MAP7: variants seen among roughly 807,000 people sequenced by gnomAD.
The protein encoded by MAP7 is ensconsin.
In MAP7, 52 loss-of-function variants were observed where a neutral mutation model predicts 94.8. That is an observed-to-expected ratio of 0.55 (90% CI 0.44 to 0.69). The LOEUF is 0.69. MAP7 is among the 30% of genes least tolerant of loss of function. The pLI is 0.00. For synonymous variants in MAP7, 350 were observed against 357.0 expected, an observed-to-expected ratio of 0.98 and a Z score of 0.22; for missense variants, 940 against 964.6, an observed-to-expected ratio of 0.97 and a Z score of 0.34.
At chr6:136,496,218 G>A (rs760064714) in intron 1 of MAP7, among the ~76,000 whole-genome samples, 5 of 152,176 alleles carry the variant, frequency 3.3e-5, no homozygotes, top group Non-Finnish European at 7.4e-5. Context: ...ATATCCACTG[G>A]GGGACATTGT....
At chr6:136,509,419 T>TTC (rs1822559944) in intron 1 of MAP7, among the ~76,000 whole-genome samples, 1 of 152,010 alleles carries the variant, frequency 6.6e-6, no homozygotes, top group Non-Finnish European at 1.5e-5. Flanking sequence ...GCTACTTATT[T>TTC]TTTTAAGTTT....
At chr6:136,483,010 CTT>C (rs1813399140) in intron 1 of MAP7, among the ~76,000 whole-genome samples, 1 of 149,030 alleles carries the variant, frequency 6.7e-6, no homozygotes, top group Admixed American at 6.8e-5. Flanking sequence ...TGATTGAATT[CTT>C]TGTCTGCTTG....
chr6:136,405,190 T>A (rs1438340568), intron 3 of MAP7, among the ~76,000 whole-genome samples: 2 of 152,210 alleles, frequency 1.3e-5, no homozygotes, highest in Non-Finnish European at 2.9e-5. Context: ...CTGTTCTAGA[T>A]ACTAAGCTAC....
intron 1 of MAP7, chr6:136,526,110 T>C: frequency 7.4e-7 from 1 of 1,354,298 alleles, no homozygotes; most frequent in Admixed American, 3.4e-5. Context: ...GTAAACAGTT[T>C]GCAAACAGCT....
Position 136,359,843 on chromosome 6 carries a change from T to A in MAP7, c.1889A>T (p.Lys630Met). The A allele has an allele frequency of 6.2e-7, 1 of 1,613,396 alleles. No homozygotes were observed. Among genetic ancestry groups the A allele is most frequent in the Non-Finnish European group, 8.5e-7 (1 of 1,179,948 alleles). Residue 630 changes from lysine to methionine, a missense_variant, in exon 15 of 18, where the codon AAG becomes ATG. By Grantham distance (95) the Lys-to-Met change is moderately conservative. Coordinates refer to ENST00000354570, the MANE Select transcript of MAP7 (RefSeq NM_003980.6). ...ACCTGTTCCTCCAGTGAGAGCTCCCTTGGCTATATCACCGTTTCTCTGATC... is the reference window on the plus strand; with the variant it reads ...ACCTGTTCCTCCAGTGAGAGCTCCCATGGCTATATCACCGTTTCTCTGATC... ...TSDQRNGDIA[K>M]GALTGGTEVS...
Position 136,377,835 on chromosome 6 carries a change from C to T in MAP7, c.671G>A (p.Ser224Asn), listed in dbSNP as rs2128623045. 1 of 1,614,064 alleles carries T rather than the reference C, an allele frequency of 6.2e-7. No individual in the cohort carries two copies. The highest frequency in any genetic ancestry group is 1.3e-5 in the African/African-American group (1 of 75,046). The change falls in exon 7 of 18, where the codon AGC becomes AAC. Residue 224 changes from serine to asparagine, a missense_variant. Coordinates refer to ENST00000354570, the MANE Select transcript of MAP7 (RefSeq NM_003980.6). ...RRLQLSPWES[S>N]VVNRLLTPTH... is the part of the protein sequence containing the mutation. ...GGGCGTCAGGAGTCTGTTAACAACG[C>T]TGCTCTCCCATGGGCTGAGCTGCAG...
intron 1 of MAP7, among the ~76,000 whole-genome samples, chr6:136,491,514 C>A (rs1475495943): frequency 6.6e-6 from 1 of 152,220 alleles, no homozygotes; most frequent in African/African-American, 2.4e-5. Context: ...AGGCGGTGGG[C>A]AGCCATTACT....
At chr6:136,360,857 A>T in intron 12 of MAP7, 59 bp from the exon 13 acceptor site, 3 of 1,590,482 alleles carry the variant, frequency 1.9e-6, no homozygotes, top group Non-Finnish European at 2.6e-6. Flanking sequence ...CGGGTCTCCC[A>T]GGGGGTGCCC....
chr6:136,468,412 A>G (rs113080533), intron 1 of MAP7, among the ~76,000 whole-genome samples: 2,304 of 152,260 alleles, frequency 0.015, 61 homozygotes, highest in African/African-American at 0.052. Flanking sequence ...GAACTGCTGA[A>G]GATGTTAAGT....
At chr6:136,348,755 G>A (rs1367880879) in intron 16 of MAP7, among the ~76,000 whole-genome samples, 2 of 152,136 alleles carry the variant, frequency 1.3e-5, no homozygotes, top group African/African-American at 4.8e-5. Flanking sequence ...GCCTGGGAAT[G>A]TTACTTTTCC....
At chr6:136,395,458 T>C (rs1309029418) in intron 3 of MAP7, among the ~76,000 whole-genome samples, 1 of 151,296 alleles carries the variant, frequency 6.6e-6, no homozygotes, top group Non-Finnish European at 1.5e-5. Context: ...CATATTCTGG[T>C]TGTTAATGCT....
rs764303837 is a variant in MAP7, at chr6:136,362,554, G to T, written c.1422C>A (p.Thr474=). ...GAAGCCTTGTGGCCTCCTCTGGGTC[G>T]GTGGTGCCTGCAGAAGTCTTAACAG... is the stretch of plus-strand genomic sequence containing the variant. ...SASVKTSAGT[T]DPEEATRLLA... is the part of the protein sequence containing the mutation. Residue 474 remains threonine, a synonymous_variant, in exon 11 of 18, where the codon ACC becomes ACA. Transcript: ENST00000354570. 1.9e-6 allele frequency: 3 copies of T among 1,614,174 alleles called. No homozygotes were observed. The highest frequency in any genetic ancestry group is 8.5e-7 in the Non-Finnish European group (1 of 1,180,048).
chr6:136,546,862 C>A (rs1394605403), intron 1 of MAP7, among the ~76,000 whole-genome samples: 1 of 152,104 alleles, frequency 6.6e-6, no homozygotes, highest in Non-Finnish European at 1.5e-5. Flanking sequence ...AGAGAAAATG[C>A]CAGTGTAAAT....
In MAP7 at chr6:136,413,816, T is replaced by C. The variant is rs867073236; in HGVS notation, c.167-2119A>G. Among the ~76,000 whole-genome samples the C allele has an allele frequency of 3.9e-5, 6 of 152,212 alleles. No homozygotes were observed. The South Asian group carries it at 1.2e-3, about 32-fold the overall frequency. On this transcript the variant is annotated intron_variant, in intron 2 of 17. Coordinates refer to ENST00000354570, the MANE Select transcript of MAP7 (RefSeq NM_003980.6). ...TTGTAGAGACAGGATTTTGCTATGT[T>C]GCCCAGGCTGCCATATGTCTCTTGA...
intron 1 of MAP7, among the ~76,000 whole-genome samples, chr6:136,469,115 G>C (rs906390984): frequency 6.6e-6 from 1 of 152,080 alleles, no homozygotes; most frequent in African/African-American, 2.4e-5. Flanking sequence ...CTCTGTCCCA[G>C]TGCATGGAGC....
rs760023284 is a variant in MAP7 at position 136,550,380 on chromosome 6, C to T, written c.29G>A (p.Gly10Asp). The T allele has an allele frequency of 1.3e-6, 2 of 1,529,610 alleles. No homozygotes were observed. Among genetic ancestry groups the T allele is most frequent in the African/African-American group, 1.4e-5 (1 of 70,114 alleles). The allele number at this position is 1,529,610 out of a possible 1,614,324, so 94.8% of individuals were successfully genotyped here. Reference sequence around the variant, plus strand: ...CACTGCGCCGTCGCCGCCCCTGTGGCCGTCGCCGCCAGCTCCTAGCTCCGC... The same window carrying T: ...CACTGCGCCGTCGCCGCCCCTGTGGTCGTCGCCGCCAGCTCCTAGCTCCGC... MAELGAGGD[G>D]HRGGDGAVRS... The change falls in exon 1 of 18, where the codon GGC becomes GAC. Residue 10 changes from glycine to aspartate, a missense_variant. Transcript: ENST00000354570. This position sits in a 1 kb window ranked among gnomAD's most constrained non-coding sequence, Gnocchi z 5.1.
chr6:136,493,584 A>G (rs1032134803), intron 1 of MAP7, among the ~76,000 whole-genome samples: 1 of 152,034 alleles, frequency 6.6e-6, no homozygotes, highest in African/African-American at 2.4e-5. Context: ...CCTGGCTTCT[A>G]TTTTCAACTT....
At chr6:136,377,013 A>G (rs1345640315) in intron 7 of MAP7, among the ~76,000 whole-genome samples, 1 of 152,208 alleles carries the variant, frequency 6.6e-6, no homozygotes, top group East Asian at 1.9e-4. Context: ...ACCAGGAGAG[A>G]TCCGTTACCC....
rs903288747 is a variant in MAP7 at position 136,345,991 on chromosome 6, A to G, written c.2104T>C (p.Ser702Pro). The change falls in exon 17 of 18, where the codon TCT (serine) becomes CCT (proline). Residue 702 changes from serine (S) to proline (P), a missense_variant. By Grantham distance (74) the Ser-to-Pro change is moderately conservative. Transcript: ENST00000354570. ...FEEIINLPIG[S>P]KPSRLDVTNS... The stretch of plus-strand genomic sequence containing the variant: ...GTGACATCTAATCTGGATGGTTTAG[A>G]TCCAATGGGTAAGTTTATAATTTCT... The G allele has an allele frequency of 1.9e-6, 3 of 1,613,362 alleles. No homozygotes were observed. The highest frequency in any genetic ancestry group is 2.5e-6 in the Non-Finnish European group (3 of 1,179,380).
Sources: allele counts gnomAD v4.1 joint callset (sites outside exome capture counted in the v4.1 genomes callset), GRCh38; gene constraint gnomAD v4.1.1; non-coding constraint Gnocchi (gnomAD v3.1); transcripts MANE v1.5; gene names NCBI Gene and HGNC (gene_info 2026-07-23, HGNC 2026-07-21).